DNAAF9: variants seen among roughly 807,000 people sequenced by gnomAD.
The protein encoded by DNAAF9 is dynein axonemal assembly factor 9.
DNAAF9 carries 90 observed loss-of-function variants against 167.0 expected under a neutral mutation model. The ratio of observed to expected loss-of-function variants is 0.54; its 90% CI spans 0.45 to 0.64. DNAAF9 has a LOEUF of 0.64. Among genes scored for constraint, DNAAF9 ranks in the 30% least tolerant of loss-of-function variants. The pLI, the probability that DNAAF9 is intolerant of heterozygous loss-of-function variation, is 0.00. For synonymous variants in DNAAF9, 491 were observed against 508.8 expected, an observed-to-expected ratio of 0.96 and a Z score of 0.47; for missense variants, 1,315 against 1,442.2, an observed-to-expected ratio of 0.91 and a Z score of 1.43.
intron 7 of DNAAF9, among the ~76,000 whole-genome samples, chr20:3,353,624 TC>T (rs2083244019): frequency 1.9e-5 from 1 of 51,948 alleles, no homozygotes; most frequent in Non-Finnish European, 3.6e-5. Flanking sequence ...TGAGACCCTG[TC>T]CCCCCGCACC....
chr20:3,287,088 T>C (rs981210991), intron 27 of DNAAF9, among the ~76,000 whole-genome samples: 21 of 152,274 alleles, frequency 1.4e-4, no homozygotes, highest in Admixed American at 1.1e-3. Flanking sequence ...AAAATAATCA[T>C]GCTTACAGAG....
chr20:3,397,179 A>T (rs2083919884), intron 1 of DNAAF9, among the ~76,000 whole-genome samples: 1 of 151,754 alleles, frequency 6.6e-6, no homozygotes, highest in Non-Finnish European at 1.5e-5. Context: ...CCTGGGAGGC[A>T]GAGGTTGCTG....
At chr20:3,285,986 A>G (rs1377991815) in intron 27 of DNAAF9, among the ~76,000 whole-genome samples, 2 of 152,150 alleles carry the variant, frequency 1.3e-5, no homozygotes, top group Non-Finnish European at 2.9e-5. Context: ...TTTCAAAAAA[A>G]AAAAAGAAAA....
At chr20:3,394,492 T>C (rs940657730) in intron 1 of DNAAF9, among the ~76,000 whole-genome samples, 2 of 152,216 alleles carry the variant, frequency 1.3e-5, no homozygotes, top group Non-Finnish European at 2.9e-5. Flanking sequence ...AAGGGTTTTA[T>C]GTCTTCCTCT....
intron 25 of DNAAF9, among the ~76,000 whole-genome samples, chr20:3,290,787 C>CTTT (rs548143543): frequency 3.7e-5 from 5 of 135,306 alleles, no homozygotes; most frequent in Admixed American, 7.5e-5. Context: ...AGGGCTAAGT[C>CTTT]TTTTTTTTTT....
intron 29 of DNAAF9, among the ~76,000 whole-genome samples, chr20:3,272,401 A>AT (rs892513248): frequency 9.9e-5 from 15 of 151,158 alleles, no homozygotes; most frequent in Non-Finnish European, 1.0e-4. Flanking sequence ...TAATTTTTTT[A>AT]TTTTTTTTAG....
At chr20:3,383,542 C>T (rs571147260) in intron 1 of DNAAF9, among the ~76,000 whole-genome samples, 8 of 151,948 alleles carry the variant, frequency 5.3e-5, no homozygotes, top group East Asian at 3.9e-4. Context: ...TGTGAGCCAC[C>T]GCGCCCAGCT....
At chr20:3,365,919 T>C (rs1007897716) in intron 6 of DNAAF9, among the ~76,000 whole-genome samples, 2 of 152,198 alleles carry the variant, frequency 1.3e-5, no homozygotes, top group East Asian at 1.9e-4. Context: ...TAACATAAGA[T>C]TGCAGCAAGT....
At chr20:3,320,247 G>T (rs752916749) in intron 16 of DNAAF9, among the ~76,000 whole-genome samples, 1 of 152,132 alleles carries the variant, frequency 6.6e-6, no homozygotes, top group East Asian at 1.9e-4. Context: ...GACACATTAG[G>T]ATATAATTAT....
chr20:3,374,300 G>A, intron 5 of DNAAF9, 146 bp from the exon 6 acceptor site: 5 of 491,724 alleles, frequency 1.0e-5, no homozygotes, highest in South Asian at 4.4e-5. Flanking sequence ...CAGATAAAAT[G>A]GTTAGATATT....
chr20:3,368,362 A>AC (rs2083458076), intron 6 of DNAAF9, among the ~76,000 whole-genome samples: 1 of 152,026 alleles, frequency 6.6e-6, no homozygotes, highest in South Asian at 2.1e-4. Context: ...AGGATTCCTC[A>AC]CTGCCTGATG....
At chr20:3,389,176 C>T (rs2083791015) in intron 1 of DNAAF9, among the ~76,000 whole-genome samples, 1 of 151,864 alleles carries the variant, frequency 6.6e-6, no homozygotes, top group Non-Finnish European at 1.5e-5. Context: ...TCACAGGTCT[C>T]ACTCTGTTGC....
Position 3,359,548 on chromosome 20 carries a change from C to T in DNAAF9, c.658G>A (p.Asp220Asn), listed in dbSNP as rs1187679382. 6.2e-7 allele frequency: 1 copy of T among 1,612,554 alleles called. No homozygotes were observed. Among genetic ancestry groups the T allele is most frequent in the African/African-American group, 1.3e-5 (1 of 74,978 alleles). The change falls in exon 7 of 37, where the codon GAT becomes AAT. Residue 220 changes from aspartate (D) to asparagine (N), a missense_variant. Physicochemically the swap from Asp to Asn is conservative, Grantham distance 23. Around this residue, in one of 2 missense-constraint regions of DNAAF9, gnomAD observed 981 missense variants for 1,012.5 expected, o/e 0.97. Coordinates refer to ENST00000252032, the MANE Select transcript of DNAAF9 (RefSeq NM_001009984.3). ...AGCAAACTCTCCAGAGACATAGGAT[C>T]CATCTTGCTGTAGACATTCCATAGA... ...LNLWNVYSKM[D>N]PMSLESLLSD...
At chr20:3,340,234 A>G (rs1212177446) in intron 10 of DNAAF9, among the ~76,000 whole-genome samples, 1 of 152,226 alleles carries the variant, frequency 6.6e-6, no homozygotes, top group Non-Finnish European at 1.5e-5. Context: ...CTGACAACTT[A>G]AAGACTGGTT....
rs147467945 is a variant in DNAAF9, at chr20:3,260,496, GT to G, written c.2874-469del. 2.6e-3 allele frequency among the ~76,000 whole-genome samples: 399 copies of G among 152,302 alleles called. 4 individuals are homozygous for G. Among genetic ancestry groups the G allele is most frequent in the East Asian group, 0.018 (91 of 5,182 alleles). Reference sequence around the variant, plus strand: ...GTTAAATCAGGAGCTGAGGATGAAGGTTTTACCTAACCTTAGACTAGCAGTT... The same window carrying G: ...GTTAAATCAGGAGCTGAGGATGAAGGTTTACCTAACCTTAGACTAGCAGTT... On this transcript the variant is annotated intron_variant, in intron 31 of 36. Coordinates refer to ENST00000252032, the MANE Select transcript of DNAAF9 (RefSeq NM_001009984.3).
At chr20:3,261,689 C>T (rs1353543589) in intron 31 of DNAAF9, among the ~76,000 whole-genome samples, 1 of 151,708 alleles carries the variant, frequency 6.6e-6, no homozygotes, top group Non-Finnish European at 1.5e-5. Flanking sequence ...TTTAAAACAG[C>T]ACTGCAATTT....
chr20:3,278,505 G>C (rs1414202137), intron 29 of DNAAF9, among the ~76,000 whole-genome samples: 1 of 152,126 alleles, frequency 6.6e-6, no homozygotes, highest in East Asian at 1.9e-4. Flanking sequence ...CGGACTACGA[G>C]GTCAGGAGTT....
intron 2 of DNAAF9, among the ~76,000 whole-genome samples, chr20:3,381,986 G>A (rs1002114501): frequency 3.3e-5 from 5 of 152,136 alleles, no homozygotes; most frequent in African/African-American, 9.7e-5. Context: ...GGGGTATGGT[G>A]GTGAACATGC....
intron 22 of DNAAF9, 32 bp downstream of exon 22, chr20:3,297,997 T>G: frequency 6.4e-7 from 1 of 1,567,764 alleles, no homozygotes; most frequent in Non-Finnish European, 8.8e-7. Flanking sequence ...AAAAAAGTAG[T>G]AGTAGTTTTG....
Sources: gnomAD v4.1 joint callset for allele counts (sites outside exome capture counted in the v4.1 genomes callset) on GRCh38, gnomAD v4.1.1 for gene constraint, gnomAD v4.1.1 regional missense constraint, MANE v1.5 for transcripts, NCBI Gene and HGNC (gene_info 2026-07-23, HGNC 2026-07-21) for gene names.